Variants in OSBPL9 observed in about 807,000 individuals in gnomAD.
OSBPL9 encodes the protein oxysterol binding protein like 9.
OSBPL9 carries 40 observed loss-of-function variants against 106.6 expected under a neutral mutation model. That is an observed-to-expected ratio of 0.38 (90% CI 0.29 to 0.49). The LOEUF (loss-of-function observed/expected upper bound fraction) is 0.49, where lower values mean the gene tolerates loss of function less well. OSBPL9 is among the 20% of genes least tolerant of loss of function. The pLI is 0.97. For synonymous variants in OSBPL9, 269 were observed against 295.4 expected (o/e 0.91, Z 0.92); for missense variants, 609 against 887.2 (o/e 0.69, Z 3.98).
chr1:51,653,025 G>C (rs998884750), intron 2 of OSBPL9, among the ~76,000 whole-genome samples: 8 of 152,064 alleles, frequency 5.3e-5, no homozygotes, highest in African/African-American at 1.9e-4. Flanking sequence ...GTCCTTGATA[G>C]AACTGGGAAA....
chr1:51,589,415 T>A (rs1340327070), intron 1 of OSBPL9, among the ~76,000 whole-genome samples: 1 of 152,188 alleles, frequency 6.6e-6, no homozygotes, highest in African/African-American at 2.4e-5. Flanking sequence ...CAATGAATAA[T>A]GCACATTAAT....
chr1:51,632,143 AAAAT>A (rs1645145836), intron 1 of OSBPL9, among the ~76,000 whole-genome samples: 1 of 152,200 alleles, frequency 6.6e-6, no homozygotes, highest in Non-Finnish European at 1.5e-5. Flanking sequence ...CATATACTCT[AAAAT>A]AACAATAAAA....
chr1:51,714,621 G>A (rs1335512689), intron 4 of OSBPL9, among the ~76,000 whole-genome samples: 3 of 152,106 alleles, frequency 2.0e-5, no homozygotes, highest in Non-Finnish European at 4.4e-5. Context: ...CTATTTCTAC[G>A]TTCCACTTTT....
At chr1:51,554,468 C>A in the OSBPL9 span, among the ~76,000 whole-genome samples, 1 of 152,260 alleles carries the variant, frequency 6.6e-6, no homozygotes, top group East Asian at 1.9e-4. Flanking sequence ...CTGCGGATGA[C>A]TTTGGGTACT....
chr1:51,636,802 A>G (rs979361595), intron 1 of OSBPL9, among the ~76,000 whole-genome samples: 9 of 152,098 alleles, frequency 5.9e-5, no homozygotes, highest in African/African-American at 1.2e-4. Context: ...AAATAAATAA[A>G]TAAATAAATA....
chr1:51,782,303 A>G lies in OSBPL9; in HGVS notation c.1429-256A>G, dbSNP rs188584090. Among the ~76,000 whole-genome samples, 74 of 152,314 alleles carry G rather than the reference A, an allele frequency of 4.9e-4. 1 individual carries two copies. The highest frequency in any genetic ancestry group is 1.8e-3 in the African/African-American group (73 of 41,570). Reference sequence around the variant, plus strand: ...GACAAGTATGTGTCTGTTCTTATTCATTTGGCAGACATTGATAAGTGCCTA... The same window carrying G: ...GACAAGTATGTGTCTGTTCTTATTCGTTTGGCAGACATTGATAAGTGCCTA... On this transcript the variant is annotated intron_variant, in intron 16 of 23. Coordinates refer to ENST00000428468, the MANE Select transcript of OSBPL9 (RefSeq NM_024586.6).
rs113240844 is a variant in OSBPL9 at position 51,760,777 on chromosome 1, C to A, written c.670C>A (p.Pro224Thr). Reference protein sequence around the residue: ...STMPSQTVLPPEPVQLCKSEQ... With the variant: ...STMPSQTVLPTEPVQLCKSEQ... ...AATGCCTTCCCAGACTGTGTTACCT[C>A]CAGGTAATTTGGGAAAATGTTTCTT... The change falls in exon 10 of 24, where the codon CCA (proline) becomes ACA (threonine). Residue 224 changes from proline to threonine, a missense_variant. Pro to Thr is a conservative substitution (Grantham distance 38). Coordinates refer to ENST00000428468, the MANE Select transcript of OSBPL9 (RefSeq NM_024586.6). The A allele has an allele frequency of 9.3e-6, 15 of 1,613,520 alleles. No individual in the cohort carries two copies. Among genetic ancestry groups the A allele is most frequent in the Non-Finnish European group, 1.3e-5 (15 of 1,179,724 alleles).
At chr1:51,662,270 T>C (rs546188735) in intron 2 of OSBPL9, among the ~76,000 whole-genome samples, 8 of 152,022 alleles carry the variant, frequency 5.3e-5, no homozygotes, top group African/African-American at 1.9e-4. Flanking sequence ...GTATAAAGAC[T>C]TGAGTCTTGA....
chr1:51,698,242 A>C (rs1198395067), intron 3 of OSBPL9, among the ~76,000 whole-genome samples: 1 of 152,166 alleles, frequency 6.6e-6, no homozygotes. Flanking sequence ...TGTGCAGCTT[A>C]AGAGATACTA....
At chr1:51,736,151 T>C (rs1238303865) in intron 4 of OSBPL9, among the ~76,000 whole-genome samples, 1 of 152,198 alleles carries the variant, frequency 6.6e-6, no homozygotes, top group African/African-American at 2.4e-5. Context: ...CCGGTGGAGA[T>C]AGTAGAGAAT....
In OSBPL9 at chr1:51,729,067, T is replaced by G. The variant is rs888482204; in HGVS notation, c.318+14988T>G. ...TGGGTGATTCTCTGTCGAGGTCCTC[T>G]TAAGTCCAGACTTTTGATATAATCT... On this transcript the variant is annotated intron_variant, in intron 4 of 23. Transcript: ENST00000428468. The surrounding 1 kb of genome is among the most constrained non-coding windows in gnomAD (Gnocchi z 5.1). 1.3e-5 allele frequency among the ~76,000 whole-genome samples: 2 copies of G among 152,196 alleles called. No homozygotes were observed. Among genetic ancestry groups the G allele is most frequent in the Non-Finnish European group, 2.9e-5 (2 of 68,024 alleles).
chr1:51,667,697 T>A (rs984112158), intron 2 of OSBPL9, among the ~76,000 whole-genome samples: 4 of 152,230 alleles, frequency 2.6e-5, no homozygotes, highest in African/African-American at 9.6e-5. Flanking sequence ...GTTAGAAGGT[T>A]AACTCAGTTA....
At chr1:51,699,408 C>G (rs1354338401) in intron 3 of OSBPL9, among the ~76,000 whole-genome samples, 1 of 151,990 alleles carries the variant, frequency 6.6e-6, no homozygotes, top group Admixed American at 6.6e-5. Flanking sequence ...CACTCACATA[C>G]CTTTGCCTCT....
At chr1:51,772,495 G>C (rs890343643) in intron 13 of OSBPL9, 110 bp from the exon 14 acceptor site, 13 of 927,466 alleles carry the variant, frequency 1.4e-5, no homozygotes, top group Non-Finnish European at 2.1e-5. Context: ...CAGCCTGGGC[G>C]AAAGAATGAG....
the OSBPL9 span, among the ~76,000 whole-genome samples, chr1:51,523,781 C>G: frequency 6.6e-6 from 1 of 152,176 alleles, no homozygotes; most frequent in African/African-American, 2.4e-5. Flanking sequence ...TCCAACCCCC[C>G]TCCCCAACCC....
At chr1:51,746,292 G>A (rs370813944) in intron 5 of OSBPL9, among the ~76,000 whole-genome samples, 65 of 152,194 alleles carry the variant, frequency 4.3e-4, no homozygotes, top group African/African-American at 1.5e-3. Context: ...TGGAATATGG[G>A]GAGGTGATTT....
At chr1:51,617,019 C>G, upstream of OSBPL9, 7 of 1,496,718 alleles carry the variant, frequency 4.7e-6, no homozygotes, top group Non-Finnish European at 6.3e-6. Flanking sequence ...CGCCCAGGAC[C>G]CGCCCCGCCC....
At chr1:51,550,405 C>G in the OSBPL9 span, among the ~76,000 whole-genome samples, 3 of 152,176 alleles carry the variant, frequency 2.0e-5, no homozygotes, top group Non-Finnish European at 2.9e-5. Context: ...AGGGGGAAAT[C>G]TAGTTGTTAA....
rs773851540 is a variant in OSBPL9 at position 51,784,541 on chromosome 1, C to A, written c.1788C>A (p.Pro596=). The change falls in exon 20 of 24, where the codon CCC becomes CCA. Residue 596 remains proline, a synonymous_variant. Transcript: ENST00000428468. The part of the protein sequence containing the change: ...YSANIIFHTK[P]FYGGKKHRIT... ...CAAATATCATCTTCCACACTAAACC[C>A]TTCTATGGGGGCAAGAAGCACAGAA... 8 of 1,614,016 alleles carry A rather than the reference C, an allele frequency of 5.0e-6. No homozygotes were observed. In the African/African-American group the frequency reaches 9.3e-5, roughly 19 times the overall value.
Sources: allele counts gnomAD v4.1 joint callset (sites outside exome capture counted in the v4.1 genomes callset), GRCh38; gene constraint gnomAD v4.1.1; non-coding constraint Gnocchi (gnomAD v3.1); transcripts MANE v1.5; gene names NCBI Gene and HGNC (gene_info 2026-07-23, HGNC 2026-07-21).